KAZALD1: variants seen among roughly 807,000 people sequenced by gnomAD.
KAZALD1 encodes the protein Kazal type serine peptidase inhibitor domain 1.
Under a neutral mutation model 27.7 loss-of-function variants are expected in KAZALD1, and 31 were observed. The observed-to-expected ratio is 1.12, with a 90% confidence interval of 0.84 to 1.51. The LOEUF (loss-of-function observed/expected upper bound fraction) is 1.51. Among genes scored for constraint, KAZALD1 ranks in the 40% most tolerant of loss-of-function variants. The pLI, the probability that KAZALD1 is intolerant of heterozygous loss-of-function variation, is 0.00. For missense variants in KAZALD1, 444 were observed against 408.9 expected (o/e 1.09, Z -0.74); for synonymous variants, 179 against 182.0 (o/e 0.98, Z 0.13).
In KAZALD1 at chr10:101,064,837, T is replaced by G. The variant is rs904061920; in HGVS notation, c.832T>G (p.Ser278Ala). Residue 278 changes from serine to alanine, a missense_variant, in exon 5 of 5, where the codon TCT becomes GCT. By Grantham distance (99) the Ser-to-Ala change is moderately conservative. Transcript: ENST00000370200. ...ATGTGTGTTTGCAGACCAGCTGAAC[T>G]CTACAGGCATCCCCCAGCTGCGATC... ...LTVLTPDQLN[S>A]TGIPQLRSLN... is the part of the protein sequence containing the mutation. 10 of 1,614,026 alleles carry G rather than the reference T, an allele frequency of 6.2e-6. No individual in the cohort carries two copies. The highest frequency in any genetic ancestry group is 1.6e-4 in the Middle Eastern group (1 of 6,070).
At chr10:101,063,230 A>C (rs1419696199) in intron 2 of KAZALD1, 127 bp downstream of exon 2, 2 of 789,256 alleles carry the variant, frequency 2.5e-6, no homozygotes, top group Admixed American at 3.5e-5. Context: ...CCTCGAGTCC[A>C]GTATAAAACC....
At position 101,065,427 on chromosome 10, in the gene KAZALD1, C is replaced by T. The variant is rs888208503; in HGVS notation, c.*507C>T. On this transcript the variant is annotated 3_prime_UTR_variant, in exon 5 of 5. Coordinates refer to ENST00000370200, the MANE Select transcript of KAZALD1 (RefSeq NM_030929.5). Reference sequence around the variant, plus strand: ...CCCAGTTGCACCTACTAACTGCAGTCCCTTTTGCTGTCTGCCGTCTTTTGT... The same window carrying T: ...CCCAGTTGCACCTACTAACTGCAGTTCCTTTTGCTGTCTGCCGTCTTTTGT... 1.2e-4 allele frequency: 20 copies of T among 171,810 alleles called. No individual in the cohort carries two copies. The highest frequency in any genetic ancestry group is 2.7e-4 in the Admixed American group (5 of 18,344). 10.6% of individuals were successfully genotyped at this position (171,810 alleles called of 1,614,324 possible).
At chr10:101,064,109 G>A in intron 2 of KAZALD1, 152 bp from the exon 3 acceptor site, 1 of 722,204 alleles carries the variant, frequency 1.4e-6, no homozygotes, top group Non-Finnish European at 2.3e-6. Context: ...GTACCTGTGT[G>A]TGTCACGGTG....
At position 101,062,519 on chromosome 10, in the gene KAZALD1, GA is replaced by G. The variant is rs1939183973; in HGVS notation, c.-51-22del. On this transcript the variant is annotated intron_variant, in intron 1 of 4. Transcript: ENST00000370200. ...GCACAGGCCCTGTTTCTGACCTCCT[GA>G]CCTGGCTTCCCTTCCTGGCAGGGTG... The G allele has an allele frequency of 2.9e-5, 44 of 1,530,318 alleles. No homozygotes were observed. In the East Asian group the frequency reaches 1.1e-3, roughly 37 times the overall value. The allele number at this position is 1,530,318 out of a possible 1,614,324, so 94.8% of individuals were successfully genotyped here.
Position 101,064,286 on chromosome 10 carries a change from T to G in KAZALD1, c.537T>G (p.Tyr179Ter). ...GGCCCCAGATCGTGTCACATCCATA[T>G]GACACTTGGAATGTGACAGGGCAGG... is the stretch of plus-strand genomic sequence containing the variant. ...ESGPQIVSHP[Y>*]DTWNVTGQDV... The change falls in exon 3 of 5, where the codon TAT becomes TAG. Residue 179 changes from tyrosine to a stop codon, truncating the protein, a stop_gained. Transcript: ENST00000370200. LOFTEE classifies it high-confidence loss of function. 3.7e-6 allele frequency: 6 copies of G among 1,614,190 alleles called. No homozygotes were observed. Among genetic ancestry groups the G allele is most frequent in the Non-Finnish European group, 5.1e-6 (6 of 1,180,024 alleles).
rs774698050 is a variant in KAZALD1 at position 101,062,670 on chromosome 10, C to T, written c.78C>T (p.Pro26=). The T allele has an allele frequency of 1.3e-6, 2 of 1,549,714 alleles. No homozygotes were observed. Among genetic ancestry groups the T allele is most frequent in the Non-Finnish European group, 1.7e-6 (2 of 1,155,904 alleles). Residue 26 remains proline (P), a synonymous_variant, in exon 2 of 5, where the codon CCC becomes CCT. Coordinates refer to ENST00000370200, the MANE Select transcript of KAZALD1 (RefSeq NM_030929.5). ...TACTGCTGGTGGTGCTGACGCCGCC[C>T]CCGACCGGCGCAAGGCCATCCCCAG... The part of the protein sequence containing the change: ...LLLLLVVLTP[P]PTGARPSPGP...
chr10:101,062,627 C>G lies in KAZALD1; in HGVS notation c.35C>G (p.Ala12Gly). 1 of 1,577,432 alleles carries G rather than the reference C, an allele frequency of 6.3e-7. No homozygotes were observed. The highest frequency in any genetic ancestry group is 8.5e-7 in the Non-Finnish European group (1 of 1,170,618). ...LPPPRPAAAL[A>G]LPVLLLLLVV... The stretch of plus-strand genomic sequence containing the variant: ...CCGCCGCGGCCCGCAGCTGCCTTGG[C>G]GCTGCCTGTGCTCCTGCTACTGCTG... The change falls in exon 2 of 5, where the codon GCG (alanine) becomes GGG (glycine). Residue 12 changes from alanine (A) to glycine (G), a missense_variant. Coordinates refer to ENST00000370200, the MANE Select transcript of KAZALD1 (RefSeq NM_030929.5).
intron 2 of KAZALD1, 145 bp from the exon 3 acceptor site, chr10:101,064,116 G>A (rs939973927): frequency 9.2e-6 from 7 of 758,318 alleles, no homozygotes; most frequent in African/African-American, 1.7e-5. Context: ...TGTGTGTCAC[G>A]GTGTGTTTAT....
chr10:101,068,054 T>C (rs1166279937), downstream of KAZALD1: 1 of 470,644 alleles, frequency 2.1e-6, no homozygotes, highest in Non-Finnish European at 4.4e-6. Context: ...CTTCTGGTAG[T>C]GACACTCAGA....
At chr10:101,064,764 CTA>C (rs1173444575) in intron 4 of KAZALD1, 60 bp from the exon 5 acceptor site, 5 of 1,599,072 alleles carry the variant, frequency 3.1e-6, no homozygotes. Context: ...GCAGACTGGG[CTA>C]TGTGGGCACC....
chr10:101,065,184 C>G lies in KAZALD1; in HGVS notation c.*264C>G, dbSNP rs953951886. ...CAGGAGATGCCCTGGCCAGTAGGAC[C>G]TCCAACAGGTTGTTTCCCAGGCTGG... is the stretch of plus-strand genomic sequence containing the variant. On this transcript the variant is annotated 3_prime_UTR_variant, in exon 5 of 5. Transcript: ENST00000370200. 2.3e-6 allele frequency: 1 copy of G among 443,212 alleles called. No homozygotes were observed. Among genetic ancestry groups the G allele is most frequent in the African/African-American group, 2.0e-5 (1 of 50,678 alleles). The allele number at this position is 443,212 out of a possible 1,614,324, so 27.5% of individuals were successfully genotyped here.
downstream of KAZALD1, chr10:101,067,552 C>T (rs1939356749): frequency 2.9e-6 from 1 of 349,650 alleles, no homozygotes; most frequent in African/African-American, 2.1e-5. Flanking sequence ...CCATCTAGAG[C>T]AGGGTGTGAA....
chr10:101,066,526 C>T lies in KAZALD1; in HGVS notation c.*1606C>T, dbSNP rs1413656132. The T allele has an allele frequency of 6.6e-6, 3 of 454,972 alleles. No homozygotes were observed. The highest frequency in any genetic ancestry group is 1.3e-5 in the Non-Finnish European group (3 of 225,716). 28.2% of individuals were successfully genotyped at this position (454,972 alleles called of 1,614,324 possible). ...GATACCGGGAGCCGATTCCAGGGCG[C>T]CCACAGAAGCAGAATCAGAGGGGTA... On this transcript the variant is annotated 3_prime_UTR_variant, in exon 5 of 5. Coordinates refer to ENST00000370200, the MANE Select transcript of KAZALD1 (RefSeq NM_030929.5).
At position 101,066,815 on chromosome 10, in the gene KAZALD1, G is replaced by A. The variant is rs1939336723; in HGVS notation, c.*1895G>A. The A allele has an allele frequency of 3.0e-6, 1 of 328,896 alleles. No individual in the cohort carries two copies. The highest frequency in any genetic ancestry group is 2.4e-5 in the South Asian group (1 of 40,818). The allele number at this position is 328,896 out of a possible 1,614,324, so 20.4% of individuals were successfully genotyped here. On this transcript the variant is annotated 3_prime_UTR_variant, in exon 5 of 5. Transcript: ENST00000370200. ...TCCGCACTCCTTAATCGCGTTAGCC[G>A]ACTTTGTAGGTGTTCAGGAGCAGCC...
At position 101,064,348 on chromosome 10, in the gene KAZALD1, T is replaced by C. The variant is rs755285725; in HGVS notation, c.599T>C (p.Met200Thr). The change falls in exon 3 of 5, where the codon ATG (methionine) becomes ACG (threonine). Residue 200 changes from methionine (M) to threonine (T), a missense_variant. By Grantham distance (81) the Met-to-Thr change is moderately conservative. Coordinates refer to ENST00000370200, the MANE Select transcript of KAZALD1 (RefSeq NM_030929.5). ...GGCTGTGAAGTGTTTGCCTACCCCA[T>C]GGCCTCCATCGAGTGGAGGAAGGAT... ...IFGCEVFAYP[M>T]ASIEWRKDGL... 39 of 1,613,994 alleles carry C rather than the reference T, an allele frequency of 2.4e-5. No individual in the cohort carries two copies. Among genetic ancestry groups the C allele is most frequent in the Non-Finnish European group, 3.0e-5 (35 of 1,179,986 alleles).
chr10:101,064,923 C>G lies in KAZALD1; in HGVS notation c.*3C>G. ...AAGAGAATGACGATTACTACTAGGT[C>G]CAGAGCTCTGGCCCATGGGGGTGGG... On this transcript the variant is annotated 3_prime_UTR_variant, in exon 5 of 5. Transcript: ENST00000370200. 1 of 1,607,836 alleles carries G rather than the reference C, an allele frequency of 6.2e-7. No individual in the cohort carries two copies. Among genetic ancestry groups the G allele is most frequent in the South Asian group, 1.1e-5 (1 of 90,958 alleles).
chr10:101,065,017 C>G lies in KAZALD1; in HGVS notation c.*97C>G, dbSNP rs11818875. The G allele has an allele frequency of 2.4e-3, 2,003 of 821,694 alleles. 27 individuals carry two copies. In the African/African-American group the frequency reaches 0.03, roughly 12 times the overall value. 50.9% of individuals were successfully genotyped at this position (821,694 alleles called of 1,614,324 possible). On this transcript the variant is annotated 3_prime_UTR_variant, in exon 5 of 5. Coordinates refer to ENST00000370200, the MANE Select transcript of KAZALD1 (RefSeq NM_030929.5). The stretch of plus-strand genomic sequence containing the variant: ...AAGGGGAGCAGGGTCCCTTCATCGA[C>G]TGCTTTCATGCTGTCAGTAGGGATG...
At position 101,066,373 on chromosome 10, in the gene KAZALD1, G is replaced by A. The variant is rs539436054; in HGVS notation, c.*1453G>A. 330 of 456,324 alleles carry A rather than the reference G, an allele frequency of 7.2e-4. 2 individuals carry two copies. The highest frequency in any genetic ancestry group is 4.7e-3 in the South Asian group (305 of 64,478). The allele number at this position is 456,324 out of a possible 1,614,324, so 28.3% of individuals were successfully genotyped here. A position where few individuals can be genotyped will look rare whatever the true frequency, so the allele number is the denominator to read the frequency against. On this transcript the variant is annotated 3_prime_UTR_variant, in exon 5 of 5. Transcript: ENST00000370200. ...CAGGTCCTGCTTGGCCGCCCCTCCC[G>A]CGGCTACGCACTACTCCATCTACTG...
rs1163099994 is a variant in KAZALD1 at position 101,064,404 on chromosome 10, C to G, written c.655C>G (p.Pro219Ala). The G allele has an allele frequency of 6.2e-7, 1 of 1,614,046 alleles. No homozygotes were observed. The highest frequency in any genetic ancestry group is 1.3e-5 in the African/African-American group (1 of 74,904). Residue 219 changes from proline (P) to alanine (A), a missense_variant, in exon 3 of 5, where the codon CCC (proline) becomes GCC (alanine). Physicochemically the swap from Pro to Ala is conservative, Grantham distance 27. Transcript: ENST00000370200. ...GGACATCCAGCTGCCAGGGGATGAC[C>G]CCCACATCTCTGTGCAGGTAGACTG... ...GLDIQLPGDD[P>A]HISVQFRGGP...
Sources: allele counts gnomAD v4.1 joint callset, GRCh38; gene constraint gnomAD v4.1.1; transcripts MANE v1.5; gene names NCBI Gene and HGNC (gene_info 2026-07-23, HGNC 2026-07-21).